The following MED12L variants were observed in gnomAD, a reference collection of about 807,000 sequenced individuals.
The protein encoded by MED12L is mediator complex subunit 12L.
A neutral mutation model predicts 281.3 loss-of-function variants in MED12L; 60 were observed. The ratio of observed to expected loss-of-function variants is 0.21; its 90% CI spans 0.17 to 0.26. The LOEUF is 0.26. Among genes scored for constraint, MED12L ranks in the 10% least tolerant of loss-of-function variants. The pLI, the probability that MED12L is intolerant of heterozygous loss-of-function variation, is 1.00. For synonymous variants in MED12L, 974 were observed against 987.2 expected (o/e 0.99, Z 0.25); for missense variants, 2,146 against 2,680.9 (o/e 0.80, Z 4.41).
At position 151,193,588 on chromosome 3, in the gene MED12L, G is replaced by T; in HGVS notation, c.2172G>T (p.Lys724Asn). The stretch of plus-strand genomic sequence containing the variant: ...GTGAGAAGTTGGTGAAGAGGGAAAA[G>T]CCAAGGGAATTAATTTTTCCATCTA... ...VNCEKLVKRE[K>N]PRELIFPSNY... is the part of the protein sequence containing the mutation. The change falls in exon 16 of 45, where the codon AAG (lysine) becomes AAT (asparagine). Residue 724 changes from lysine (K) to asparagine (N), a missense_variant. Transcript: ENST00000687756. The T allele has an allele frequency of 6.2e-7, 1 of 1,614,022 alleles. No homozygotes were observed. Among genetic ancestry groups the T allele is most frequent in the Non-Finnish European group, 8.5e-7 (1 of 1,179,904 alleles).
intron 2 of MED12L, among the ~76,000 whole-genome samples, chr3:151,102,720 G>T: frequency 6.6e-6 from 1 of 152,080 alleles, no homozygotes; most frequent in African/African-American, 2.4e-5. Context: ...AGTGATCGTC[G>T]CCTGGGCCTC....
chr3:151,356,203 C>T (rs1390461359), intron 19 of MED12L, among the ~76,000 whole-genome samples, 164 bp downstream of exon 19: 1 of 151,982 alleles, frequency 6.6e-6, no homozygotes, highest in Non-Finnish European at 1.5e-5. Context: ...AGTTTTAGAC[C>T]AGCCTGGGCA....
chr3:151,220,948 TAA>T (rs991437927), intron 16 of MED12L, among the ~76,000 whole-genome samples: 4 of 152,210 alleles, frequency 2.6e-5, no homozygotes, highest in African/African-American at 9.7e-5. Context: ...AAAATGTAGG[TAA>T]GTTTGGAACT....
intron 16 of MED12L, chr3:151,340,809 T>G (rs552302819): frequency 6.5e-6 from 1 of 152,710 alleles, no homozygotes; most frequent in South Asian, 2.1e-4. Flanking sequence ...AATCAGAGAT[T>G]GTCTTCAAAC....
At chr3:151,176,256 T>C (rs887488948) in intron 11 of MED12L, among the ~76,000 whole-genome samples, 1 of 152,168 alleles carries the variant, frequency 6.6e-6, no homozygotes, top group Non-Finnish European at 1.5e-5. Context: ...AGGATTGTCA[T>C]TAAAACATGA....
intron 16 of MED12L, chr3:151,261,271 G>A (rs1212123118): frequency 6.6e-6 from 1 of 152,138 alleles, no homozygotes; most frequent in African/African-American, 2.4e-5. Context: ...GGCAGAGGTG[G>A]AGATACATTC....
At chr3:151,328,840 G>A in intron 16 of MED12L, 1 of 1,613,984 alleles carries the variant, frequency 6.2e-7, no homozygotes, top group Non-Finnish European at 8.5e-7. Flanking sequence ...AGGAGCTGGG[G>A]ATGTGAACAA....
chr3:151,236,149 G>A (rs139408236), intron 16 of MED12L, among the ~76,000 whole-genome samples: 177 of 152,292 alleles, frequency 1.2e-3, no homozygotes, highest in African/African-American at 3.9e-3. Context: ...TCCCAGAATA[G>A]AGCTTGCTCT....
intron 42 of MED12L, 95 bp from the exon 43 acceptor site, chr3:151,416,217 A>C: frequency 6.2e-7 from 1 of 1,603,246 alleles, no homozygotes; most frequent in Non-Finnish European, 8.5e-7. Context: ...TTACTACAAC[A>C]TAAAAATTAG....
rs141766936 is a variant in MED12L, at chr3:151,255,664, G to A, written c.2250+61998G>A. 5.1e-3 allele frequency among the ~76,000 whole-genome samples: 782 copies of A among 152,268 alleles called. 12 individuals are homozygous for A. Among genetic ancestry groups the A allele is most frequent in the African/African-American group, 0.018 (729 of 41,554 alleles). ...GAGATGAAACCTTTGGCCATCTTAA[G>A]CTAGTGTTTTATCCAGGACAAATGA... On this transcript the variant is annotated intron_variant, in intron 16 of 44. Transcript: ENST00000687756.
In MED12L at chr3:151,137,171, AG is replaced by A. The variant is rs1172493803; in HGVS notation, c.556+9188del. ...GGTAGACTCCGTCTCAAAAAAAAAA[AG>A]AAAAAAAAAAAAAAGAACGAAAAAA... On this transcript the variant is annotated intron_variant, in intron 5 of 44. Transcript: ENST00000687756. 1.4e-3 allele frequency among the ~76,000 whole-genome samples: 191 copies of A among 131,874 alleles called. 1 individual carries two copies. Among genetic ancestry groups the A allele is most frequent in the African/African-American group, 5.3e-3 (183 of 34,290 alleles). The allele number at this position is 131,874 out of a possible 152,430, so 86.5% of individuals were successfully genotyped here.
chr3:151,086,772 A>G (rs1425011886), intron 1 of MED12L, 26 bp from the exon 2 acceptor site: 2 of 590,850 alleles, frequency 3.4e-6, no homozygotes, highest in Non-Finnish European at 3.0e-6. Flanking sequence ...GCAGCATCCA[A>G]CCTGCTTTAT....
At chr3:151,131,264 A>G (rs1203845378) in intron 5 of MED12L, among the ~76,000 whole-genome samples, 1 of 152,222 alleles carries the variant, frequency 6.6e-6, no homozygotes, top group Non-Finnish European at 1.5e-5. Flanking sequence ...AAGGAAGTGC[A>G]GGAATGATTT....
intron 16 of MED12L, among the ~76,000 whole-genome samples, chr3:151,262,601 A>C (rs1324806167): frequency 6.6e-6 from 1 of 152,228 alleles, no homozygotes; most frequent in Non-Finnish European, 1.5e-5. Flanking sequence ...TTTTAAATTT[A>C]CTAAGGGATG....
intron 11 of MED12L, among the ~76,000 whole-genome samples, chr3:151,179,782 C>T (rs919620851): frequency 1.3e-5 from 2 of 152,154 alleles, no homozygotes; most frequent in Non-Finnish European, 2.9e-5. Context: ...TGAAATCTGG[C>T]CCATTAGCCT....
At chr3:151,354,001 C>T (rs532167259) in intron 17 of MED12L, among the ~76,000 whole-genome samples, 7 of 115,088 alleles carry the variant, frequency 6.1e-5, no homozygotes, top group South Asian at 3.0e-4. Context: ...ATTAGCCGGG[C>T]GTAGTGGCGG....
intron 16 of MED12L, chr3:151,340,602 A>C (rs1751689475): frequency 6.6e-6 from 1 of 152,596 alleles, no homozygotes; most frequent in South Asian, 2.1e-4. Context: ...TTACCTGATA[A>C]CTGTTGATTC....
intron 43 of MED12L, among the ~76,000 whole-genome samples, chr3:151,421,100 G>C (rs544693079): frequency 6.6e-6 from 1 of 152,160 alleles, no homozygotes. Flanking sequence ...GGAAGTCCAC[G>C]TTGCTGAGCC....
At chr3:151,377,305 A>G (rs6770918) in intron 30 of MED12L, 127 bp downstream of exon 30, 59,719 of 710,596 alleles carry the variant, frequency 0.084, 3,248 homozygotes, top group African/African-American at 0.22. Context: ...GTAAGCAGGG[A>G]TTATTATTAA....
Sources: gnomAD v4.1 joint callset for allele counts (sites outside exome capture counted in the v4.1 genomes callset) on GRCh38, gnomAD v4.1.1 for gene constraint, MANE v1.5 for transcripts, NCBI Gene and HGNC (gene_info 2026-07-23, HGNC 2026-07-21) for gene names.